NLGN1: variants seen among roughly 807,000 people sequenced by gnomAD.
NLGN1 encodes neuroligin-1.
A neutral mutation model predicts 65.5 loss-of-function variants in NLGN1; 12 were observed. The ratio of observed to expected loss-of-function variants is 0.18; its 90% CI spans 0.12 to 0.30. The LOEUF is 0.30. NLGN1 is among the 10% of genes least tolerant of loss of function. The pLI is 1.00. For missense variants in NLGN1, 750 were observed against 1,007.1 expected (o/e 0.74, Z 3.46); for synonymous variants, 350 against 359.5 (o/e 0.97, Z 0.30).
At chr3:173,570,533 C>T (rs1442845570) in intron 2 of NLGN1, among the ~76,000 whole-genome samples, 6 of 152,152 alleles carry the variant, frequency 3.9e-5, no homozygotes, top group African/African-American at 1.4e-4. Context: ...TCTGAGGCCT[C>T]TGCTTCCTTC....
chr3:174,133,893 AACACAC>A (rs5854553), intron 4 of NLGN1, among the ~76,000 whole-genome samples: 48 of 144,896 alleles, frequency 3.3e-4, no homozygotes, highest in African/African-American at 7.6e-4. Flanking sequence ...CACCCCACAA[AACACAC>A]ACACACACAC....
At chr3:173,605,580 A>T (rs936700022) in intron 3 of NLGN1, 1 of 1,285,062 alleles carries the variant, frequency 7.8e-7, no homozygotes, top group African/African-American at 1.5e-5. Flanking sequence ...GCAAGAAAAT[A>T]TGTAGAAAAG....
intron 3 of NLGN1, among the ~76,000 whole-genome samples, chr3:173,698,667 T>A (rs896275968): frequency 6.6e-6 from 1 of 152,194 alleles, no homozygotes; most frequent in African/African-American, 2.4e-5. Flanking sequence ...TTCTATTTTA[T>A]GGAAAAAAAT....
intron 4 of NLGN1, among the ~76,000 whole-genome samples, chr3:174,062,727 C>G (rs1391958668): frequency 6.6e-6 from 1 of 151,788 alleles, no homozygotes; most frequent in African/African-American, 2.4e-5. Context: ...GTTGAAATTG[C>G]TATCTTTGTG....
chr3:173,856,375 T>C (rs1727977607), intron 4 of NLGN1, among the ~76,000 whole-genome samples: 1 of 152,110 alleles, frequency 6.6e-6, no homozygotes, highest in Non-Finnish European at 1.5e-5. Flanking sequence ...ATTACATCTA[T>C]TTGGCAACTG....
chr3:173,825,022 G>A (rs978118810), intron 4 of NLGN1, among the ~76,000 whole-genome samples: 1 of 152,078 alleles, frequency 6.6e-6, no homozygotes, highest in Non-Finnish European at 1.5e-5. Flanking sequence ...CAGCCCTAAA[G>A]TGGGCCCAAA....
chr3:173,629,053 A>G (rs1052329456), intron 3 of NLGN1, among the ~76,000 whole-genome samples: 1 of 151,632 alleles, frequency 6.6e-6, no homozygotes, highest in African/African-American at 2.4e-5. Context: ...AATAAATAGT[A>G]TTACTGTAAA....
intron 3 of NLGN1, among the ~76,000 whole-genome samples, chr3:173,750,304 A>G (rs573628461): frequency 6.6e-6 from 1 of 152,136 alleles, no homozygotes; most frequent in East Asian, 1.9e-4. Flanking sequence ...GTGATAATTT[A>G]TTACCATAGC....
At chr3:174,273,183 T>C (rs1041933762) in intron 4 of NLGN1, among the ~76,000 whole-genome samples, 2 of 151,674 alleles carry the variant, frequency 1.3e-5, no homozygotes, top group African/African-American at 4.8e-5. Context: ...GTGAATTCTG[T>C]ATGGATGTAA....
At chr3:173,724,604 C>G (rs975445369) in intron 3 of NLGN1, 1 of 152,762 alleles carries the variant, frequency 6.5e-6, no homozygotes, top group Non-Finnish European at 1.5e-5. Context: ...ACTAGTTCAA[C>G]CATTGTGGAA....
intron 3 of NLGN1, among the ~76,000 whole-genome samples, chr3:173,697,581 G>T (rs532176836): frequency 1.6e-4 from 24 of 152,096 alleles, no homozygotes; most frequent in African/African-American, 5.3e-4. Flanking sequence ...AGGCTGGAGT[G>T]CAATGGTGCG....
chr3:174,173,933 G>C (rs1284475270), intron 4 of NLGN1, among the ~76,000 whole-genome samples: 1 of 151,906 alleles, frequency 6.6e-6, no homozygotes, highest in African/African-American at 2.4e-5. Flanking sequence ...CACCCAAGCA[G>C]TATACACTGC....
At chr3:174,277,241 T>G (rs1048624846) in intron 5 of NLGN1, among the ~76,000 whole-genome samples, 1 of 151,898 alleles carries the variant, frequency 6.6e-6, no homozygotes, top group African/African-American at 2.4e-5. Context: ...TGATTCTGCC[T>G]CCAATGGAGC....
intron 4 of NLGN1, among the ~76,000 whole-genome samples, chr3:173,833,437 T>A (rs891500944): frequency 6.6e-5 from 10 of 152,208 alleles, no homozygotes; most frequent in African/African-American, 2.4e-4. Context: ...TTTTTTTAAA[T>A]CTGTACTAAA....
chr3:174,061,886 C>T (rs948762527), intron 4 of NLGN1, among the ~76,000 whole-genome samples: 2 of 152,102 alleles, frequency 1.3e-5, no homozygotes, highest in Non-Finnish European at 2.9e-5. Flanking sequence ...TTGCATGTCT[C>T]ACAAGCTTAC....
intron 3 of NLGN1, among the ~76,000 whole-genome samples, chr3:173,690,715 A>G (rs557714133): frequency 6.6e-6 from 1 of 152,330 alleles, no homozygotes; most frequent in African/African-American, 2.4e-5. Context: ...GCTTCCGTTT[A>G]CAGCAGCACT....
chr3:173,456,575 G>GCTATAGTA (rs1326077729), intron 2 of NLGN1, among the ~76,000 whole-genome samples: 1 of 152,186 alleles, frequency 6.6e-6, no homozygotes. Flanking sequence ...TATAGTATCT[G>GCTATAGTA]TCAAAGACCA....
At chr3:173,535,522 A>G (rs1395764105) in intron 2 of NLGN1, among the ~76,000 whole-genome samples, 1 of 152,190 alleles carries the variant, frequency 6.6e-6, no homozygotes, top group African/African-American at 2.4e-5. Context: ...ACAGGACTAT[A>G]GACAGTGCTC....
intron 4 of NLGN1, among the ~76,000 whole-genome samples, chr3:173,980,040 G>A (rs1295730989): frequency 6.6e-6 from 1 of 151,968 alleles, no homozygotes; most frequent in East Asian, 1.9e-4. Flanking sequence ...GAACCTGAAG[G>A]TTTTGAAGTA....
Sources: allele counts gnomAD v4.1 joint callset (sites outside exome capture counted in the v4.1 genomes callset), GRCh38; gene constraint gnomAD v4.1.1; transcripts MANE v1.5; gene names NCBI Gene and HGNC (gene_info 2026-07-23, HGNC 2026-07-21).